Variants in GALNTL6 observed in about 807,000 individuals in gnomAD.
The protein encoded by GALNTL6 is polypeptide N-acetylgalactosaminyltransferase like 6.
Under a neutral mutation model 73.7 loss-of-function variants are expected in GALNTL6, and 46 were observed. The ratio of observed to expected loss-of-function variants is 0.62; its 90% CI spans 0.49 to 0.80. The LOEUF is 0.80. GALNTL6 is among the 30% of genes least tolerant of loss of function. GALNTL6 has a pLI of 0.00. For synonymous variants in GALNTL6, 259 were observed against 263.7 expected (o/e 0.98, Z 0.17); for missense variants, 604 against 755.0 (o/e 0.80, Z 2.34).
intron 2 of GALNTL6, among the ~76,000 whole-genome samples, chr4:172,131,257 C>T (rs1733484155): frequency 6.6e-6 from 1 of 151,036 alleles, no homozygotes. Flanking sequence ...AAATCTCTTC[C>T]TTTTTGTAAA....
intron 2 of GALNTL6, among the ~76,000 whole-genome samples, chr4:172,018,268 A>C (rs1741272188): frequency 6.6e-6 from 1 of 152,046 alleles, no homozygotes; most frequent in African/African-American, 2.4e-5. Flanking sequence ...TGAGGCCAGA[A>C]AGCTCCCAAG....
chr4:172,783,966 G>C (rs1354166739), intron 5 of GALNTL6, among the ~76,000 whole-genome samples: 1 of 152,074 alleles, frequency 6.6e-6, no homozygotes, highest in East Asian at 1.9e-4. Context: ...CAGATCACTA[G>C]GGAAGTTTGT....
In GALNTL6 at chr4:172,692,546, C is replaced by T. The variant is rs530050134; in HGVS notation, c.554-116815C>T. Among the ~76,000 whole-genome samples, 36 of 152,086 alleles carry T rather than the reference C, an allele frequency of 2.4e-4. 1 individual carries two copies. In the South Asian group the frequency reaches 5.8e-3, roughly 25 times the overall value. ...AATATTATGTGTGAAAATTATATGTCATTGTTTAAATTTGAATTTCTTGTG... is the reference window on the plus strand; with the variant it reads ...AATATTATGTGTGAAAATTATATGTTATTGTTTAAATTTGAATTTCTTGTG... On this transcript the variant is annotated intron_variant, in intron 5 of 12. Transcript: ENST00000506823.
intron 3 of GALNTL6, among the ~76,000 whole-genome samples, chr4:172,265,157 G>A (rs1454331380): frequency 6.6e-6 from 1 of 152,024 alleles, no homozygotes; most frequent in East Asian, 1.9e-4. Flanking sequence ...TTTAATAGTT[G>A]AGAAGGGGAT....
chr4:172,605,347 T>C (rs1425566167), intron 5 of GALNTL6, among the ~76,000 whole-genome samples: 1 of 152,136 alleles, frequency 6.6e-6, no homozygotes, highest in Non-Finnish European at 1.5e-5. Flanking sequence ...ACTGGTGCTG[T>C]GCATGGTGAT....
At chr4:171,883,424 T>C (rs541397291) in intron 2 of GALNTL6, among the ~76,000 whole-genome samples, 1 of 152,254 alleles carries the variant, frequency 6.6e-6, no homozygotes, top group East Asian at 1.9e-4. Flanking sequence ...TTTCAGTTCA[T>C]TGATGTGCTC....
intron 2 of GALNTL6, among the ~76,000 whole-genome samples, chr4:171,876,053 G>A (rs113083797): frequency 7.6e-4 from 116 of 152,178 alleles, no homozygotes; most frequent in African/African-American, 2.5e-3. Flanking sequence ...ATAAGGATTA[G>A]TAGACACAAA....
At chr4:172,989,647 A>G (rs1751456747) in intron 10 of GALNTL6, among the ~76,000 whole-genome samples, 1 of 150,818 alleles carries the variant, frequency 6.6e-6, no homozygotes, top group Non-Finnish European at 1.5e-5. Context: ...AGTGTGCAGC[A>G]CCTCCCCCTT....
chr4:171,932,014 A>G (rs1270909432), intron 2 of GALNTL6, among the ~76,000 whole-genome samples: 2 of 152,182 alleles, frequency 1.3e-5, no homozygotes, highest in African/African-American at 2.4e-5. Context: ...GTTTATAGTA[A>G]TATATTATAG....
chr4:172,830,473 G>GT (rs1303711599), intron 7 of GALNTL6, among the ~76,000 whole-genome samples: 13 of 152,078 alleles, frequency 8.5e-5, no homozygotes, highest in African/African-American at 3.1e-4. Flanking sequence ...AAAGTGAATT[G>GT]TTTTTAAAAG....
intron 2 of GALNTL6, among the ~76,000 whole-genome samples, chr4:171,849,411 T>C (rs1241792868): frequency 6.6e-6 from 1 of 152,206 alleles, no homozygotes; most frequent in East Asian, 1.9e-4. Context: ...GTAATTTTCA[T>C]GGAGCTTGAG....
At chr4:172,133,018 T>C (rs1733542217) in intron 2 of GALNTL6, among the ~76,000 whole-genome samples, 1 of 152,196 alleles carries the variant, frequency 6.6e-6, no homozygotes, top group African/African-American at 2.4e-5. Flanking sequence ...ACTTACAGGA[T>C]TTTCCACTGA....
chr4:172,938,313 G>C (rs1160604035), intron 9 of GALNTL6, among the ~76,000 whole-genome samples: 1 of 152,160 alleles, frequency 6.6e-6, no homozygotes, highest in Non-Finnish European at 1.5e-5. Flanking sequence ...GGTGGAGGAG[G>C]AGGGCTTCAA....
intron 2 of GALNTL6, among the ~76,000 whole-genome samples, chr4:172,177,780 TACACA>T (rs1735069936): frequency 7.2e-6 from 1 of 137,946 alleles, no homozygotes; most frequent in Non-Finnish European, 1.5e-5. Context: ...TACACATATA[TACACA>T]TGTGTATATA....
chr4:172,621,183 C>T (rs981840247), intron 5 of GALNTL6, among the ~76,000 whole-genome samples: 2 of 152,122 alleles, frequency 1.3e-5, no homozygotes, highest in Non-Finnish European at 2.9e-5. Context: ...GATCCTTCCA[C>T]CTCAGCCTCC....
At chr4:172,163,882 G>A (rs1419556939) in intron 2 of GALNTL6, among the ~76,000 whole-genome samples, 2 of 151,926 alleles carry the variant, frequency 1.3e-5, no homozygotes, top group South Asian at 2.1e-4. Flanking sequence ...AAAAAACATA[G>A]GGTATAAATT....
At chr4:172,358,055 G>T (rs1374738823) in intron 5 of GALNTL6, among the ~76,000 whole-genome samples, 2 of 151,986 alleles carry the variant, frequency 1.3e-5, no homozygotes, top group African/African-American at 4.8e-5. Flanking sequence ...CCTTTTATTT[G>T]TCCATTTATC....
At chr4:172,574,441 A>G (rs1299645003) in intron 5 of GALNTL6, among the ~76,000 whole-genome samples, 2 of 150,724 alleles carry the variant, frequency 1.3e-5, no homozygotes, top group Non-Finnish European at 3.0e-5. Context: ...TAAAATAATT[A>G]TTTTATTTAT....
intron 5 of GALNTL6, among the ~76,000 whole-genome samples, chr4:172,470,818 A>T (rs781467591): frequency 2.6e-5 from 4 of 152,188 alleles, no homozygotes; most frequent in Non-Finnish European, 5.9e-5. Context: ...TATAACCTTC[A>T]TACACGTATT....
Sources: gnomAD v4.1 joint callset for allele counts (sites outside exome capture counted in the v4.1 genomes callset) on GRCh38, gnomAD v4.1.1 for gene constraint, MANE v1.5 for transcripts, NCBI Gene and HGNC (gene_info 2026-07-23, HGNC 2026-07-21) for gene names.